The following DNAJC12 variants were observed in gnomAD, a reference collection of about 807,000 sequenced individuals.
DNAJC12 encodes the protein dnaJ homolog subfamily C member 12.
DNAJC12 carries 25 observed loss-of-function variants against 28.5 expected under a neutral mutation model. The observed-to-expected ratio is 0.88, with a 90% CI of 0.64 to 1.22. The LOEUF (loss-of-function observed/expected upper bound fraction) is 1.22, where lower values mean the gene tolerates loss of function less well. Ranked by LOEUF, DNAJC12 falls within the 50% of genes most tolerant of loss-of-function variation. The probability of loss-of-function intolerance (pLI) is 0.00; values close to 1 mark genes in which losing one functional copy is unlikely to be tolerated. For synonymous variants in DNAJC12, 77 were observed against 80.6 expected (o/e 0.95, Z 0.24); for missense variants, 222 against 231.7 (o/e 0.96, Z 0.27).
chr10:67,831,796 T>A (rs1842096061), intron 1 of DNAJC12, among the ~76,000 whole-genome samples: 1 of 152,170 alleles, frequency 6.6e-6, no homozygotes, highest in South Asian at 2.1e-4. Context: ...CCTATGTCAC[T>A]TCTAGTACTG....
At chr10:67,836,163 A>C (rs1842140723) in intron 1 of DNAJC12, among the ~76,000 whole-genome samples, 1 of 151,800 alleles carries the variant, frequency 6.6e-6, no homozygotes, top group Non-Finnish European at 1.5e-5. Flanking sequence ...GCACATGGAC[A>C]CAGGCAGGGG....
chr10:67,802,820 G>T (rs1388889918), intron 4 of DNAJC12, among the ~76,000 whole-genome samples: 1 of 149,786 alleles, frequency 6.7e-6, no homozygotes, highest in Non-Finnish European at 1.5e-5. Flanking sequence ...AATATTTTAC[G>T]TATATTAAGT....
At chr10:67,798,469 C>T (rs1841702583) in intron 4 of DNAJC12, among the ~76,000 whole-genome samples, 1 of 151,882 alleles carries the variant, frequency 6.6e-6, no homozygotes, top group African/African-American at 2.4e-5. Context: ...CTCTTGAGCT[C>T]AGGAGTTCGA....
intron 4 of DNAJC12, among the ~76,000 whole-genome samples, chr10:67,804,978 G>C (rs1370504205): frequency 6.6e-6 from 1 of 152,176 alleles, no homozygotes; most frequent in Admixed American, 6.5e-5. Context: ...GTTGCAATGA[G>C]CTGAGATTAT....
At chr10:67,837,466 G>A (rs901991742) in intron 1 of DNAJC12, among the ~76,000 whole-genome samples, 2 of 151,818 alleles carry the variant, frequency 1.3e-5, no homozygotes, top group Non-Finnish European at 2.9e-5. Context: ...TAACATAAAG[G>A]GATGCTTCTT....
chr10:67,801,790 C>CA (rs752473942), intron 4 of DNAJC12, among the ~76,000 whole-genome samples: 4,453 of 52,842 alleles, frequency 0.084, 116 homozygotes, highest in Middle Eastern at 0.23. Context: ...AACTCTGTTT[C>CA]AAAAAAAAAA....
At chr10:67,804,456 C>T (rs1841778828) in intron 4 of DNAJC12, among the ~76,000 whole-genome samples, 1 of 152,178 alleles carries the variant, frequency 6.6e-6, no homozygotes. Context: ...GAACTCCTGG[C>T]CTCAAGCCAG....
chr10:67,830,607 CAAAA>C, intron 1 of DNAJC12, among the ~76,000 whole-genome samples: 1 of 131,948 alleles, frequency 7.6e-6, no homozygotes, highest in Non-Finnish European at 1.6e-5. Flanking sequence ...GACTCCGTCT[CAAAA>C]AATAAATAAA....
intron 2 of DNAJC12, among the ~76,000 whole-genome samples, chr10:67,820,411 G>A (rs1297652501): frequency 1.3e-5 from 2 of 152,158 alleles, no homozygotes; most frequent in African/African-American, 4.8e-5. Context: ...ATCCAAAACT[G>A]CAAAACTAGT....
At chr10:67,807,428 C>A (rs574645419) in intron 3 of DNAJC12, among the ~76,000 whole-genome samples, 1 of 152,040 alleles carries the variant, frequency 6.6e-6, no homozygotes, top group South Asian at 2.1e-4. Context: ...TTACCCATTT[C>A]TCTGTAGATT....
chr10:67,832,851 A>T (rs1330029008), intron 1 of DNAJC12, among the ~76,000 whole-genome samples: 2 of 152,222 alleles, frequency 1.3e-5, no homozygotes, highest in East Asian at 3.8e-4. Flanking sequence ...CCTGACAGAC[A>T]TCACCTTAAC....
rs1382670817 is a variant in DNAJC12, at chr10:67,811,710, T to G, written c.158-47A>C. 1.9e-6 allele frequency: 3 copies of G among 1,586,858 alleles called. No homozygotes were observed. The African/African-American group carries it at 4.1e-5, about 21-fold the overall frequency. On this transcript the variant is annotated intron_variant, in intron 2 of 4. Coordinates refer to ENST00000225171, the MANE Select transcript of DNAJC12 (RefSeq NM_021800.3). ...GAGCACTTCTCTCTCGGAGAGGATA[T>G]TTTAAACTCCAAAACTATCCAACTG...
At chr10:67,831,477 A>G (rs1230909527) in intron 1 of DNAJC12, among the ~76,000 whole-genome samples, 4 of 152,168 alleles carry the variant, frequency 2.6e-5, no homozygotes. Context: ...TGCCATGGAG[A>G]CTAATCCAAT....
chr10:67,820,166 G>A (rs1182191608), intron 2 of DNAJC12, among the ~76,000 whole-genome samples: 1 of 152,170 alleles, frequency 6.6e-6, no homozygotes, highest in Non-Finnish European at 1.5e-5. Flanking sequence ...TGTAGAAAGA[G>A]CAGAGCACAT....
intron 1 of DNAJC12, among the ~76,000 whole-genome samples, chr10:67,832,265 C>CAAAAAAAAAA (rs200725436): frequency 1.5e-5 from 1 of 67,400 alleles, no homozygotes; most frequent in Non-Finnish European, 3.0e-5. Context: ...AACTCCATCT[C>CAAAAAAAAAA]AAAAAAAAAA....
At chr10:67,818,245 A>T (rs573613694) in intron 2 of DNAJC12, among the ~76,000 whole-genome samples, 1 of 152,270 alleles carries the variant, frequency 6.6e-6, no homozygotes, top group African/African-American at 2.4e-5. Context: ...AACCTTAATC[A>T]TCCAAGTGTG....
At chr10:67,824,022 G>C (rs1447962774) in intron 1 of DNAJC12, among the ~76,000 whole-genome samples, 1 of 152,086 alleles carries the variant, frequency 6.6e-6, no homozygotes, top group Non-Finnish European at 1.5e-5. Flanking sequence ...CAGATCACAA[G>C]GTTAGGAGTT....
At chr10:67,826,427 C>T (rs1305335723) in intron 1 of DNAJC12, among the ~76,000 whole-genome samples, 2 of 149,068 alleles carry the variant, frequency 1.3e-5, no homozygotes, top group East Asian at 3.9e-4. Context: ...AGTCACCATG[C>T]CTGGCCTAAA....
chr10:67,798,168 T>C (rs907695458), intron 4 of DNAJC12, among the ~76,000 whole-genome samples: 1 of 152,090 alleles, frequency 6.6e-6, no homozygotes, highest in Non-Finnish European at 1.5e-5. Flanking sequence ...ATACCATTTA[T>C]AAATTTTTTT....
Sources: allele counts gnomAD v4.1 joint callset (sites outside exome capture counted in the v4.1 genomes callset), GRCh38; gene constraint gnomAD v4.1.1; transcripts MANE v1.5; gene names NCBI Gene and HGNC (gene_info 2026-07-23, HGNC 2026-07-21).